The following ANOS1 variants were observed in gnomAD, a reference collection of about 807,000 sequenced individuals.
The protein encoded by ANOS1 is anosmin 1.
Under a neutral mutation model 59.0 loss-of-function variants are expected in ANOS1, and 6 were observed. That is an observed-to-expected ratio of 0.10 (90% CI 0.06 to 0.20). ANOS1 has a LOEUF of 0.20. ANOS1 is among the 10% of genes least tolerant of loss of function. ANOS1 has a pLI of 1.00. For synonymous variants in ANOS1, 217 were observed against 223.4 expected (o/e 0.97, Z 0.25); for missense variants, 433 against 542.3 (o/e 0.80, Z 2.00).
chrX:8,657,636 T>A, intron 2 of ANOS1, among the ~76,000 whole-genome samples: 1 of 108,996 alleles, frequency 9.2e-6, no homozygotes, highest in South Asian at 4.1e-4. Context: ...GCCAAACAGA[T>A]TTTTGTATTT....
At position 8,570,722 on chromosome X, in the gene ANOS1, A is replaced by G. The variant is rs751564786; in HGVS notation, c.857-18T>C. 8.4e-7 allele frequency: 1 copy of G among 1,189,380 alleles called. No individual in the cohort carries two copies. The highest frequency in any genetic ancestry group is 2.2e-5 in the Admixed American group (1 of 45,876). ...AGATGGATCTGAAATCCCAGTACAA[A>G]GACACATCATATGACTCCACAAAAC... On this transcript the variant is annotated intron_variant, in intron 6 of 13. Coordinates refer to ENST00000262648, the MANE Select transcript of ANOS1 (RefSeq NM_000216.4).
intron 9 of ANOS1, among the ~76,000 whole-genome samples, chrX:8,543,271 C>T (rs1320749390): frequency 9.0e-6 from 1 of 110,862 alleles, no homozygotes; most frequent in African/African-American, 3.3e-5. Context: ...CATGATATTA[C>T]ATAAGGTAAT....
At chrX:8,706,298 G>C (rs1398688204) in intron 1 of ANOS1, among the ~76,000 whole-genome samples, 1 of 112,119 alleles carries the variant, frequency 8.9e-6, no homozygotes, top group Non-Finnish European at 1.9e-5. Context: ...TACCAAACTA[G>C]TGTCTAACAA....
chrX:8,578,809 T>C (rs1930374345), intron 6 of ANOS1, among the ~76,000 whole-genome samples: 1 of 112,430 alleles, frequency 8.9e-6, no homozygotes, highest in Non-Finnish European at 1.9e-5. Flanking sequence ...TTGACTAATT[T>C]CAAATGAACA....
intron 2 of ANOS1, among the ~76,000 whole-genome samples, chrX:8,654,768 C>T (rs1931904183): frequency 8.9e-6 from 1 of 112,081 alleles, no homozygotes; most frequent in South Asian, 3.7e-4. Context: ...CAAAGTTTGG[C>T]AAGCTAAGCC....
Position 8,533,261 on chromosome X carries a change from T to C in ANOS1, c.1985-208A>G, listed in dbSNP as rs752893567. Among the ~76,000 whole-genome samples the C allele has an allele frequency of 3.5e-4, 39 of 111,710 alleles. No individual in the cohort carries two copies. The Admixed American group carries it at 3.6e-3, about 10-fold the overall frequency. On this transcript the variant is annotated intron_variant, in intron 13 of 13. Transcript: ENST00000262648. ...TCCTCTTTGATGTCTTCCCAAACTA[T>C]AAAATAACAAGAAAAAGAAGACAAG...
chrX:8,548,672 A>G (rs1187590592), intron 9 of ANOS1, among the ~76,000 whole-genome samples: 1 of 112,448 alleles, frequency 8.9e-6, no homozygotes, highest in Non-Finnish European at 1.9e-5. Flanking sequence ...TGGAGGCTAC[A>G]CTGTCAACTG....
chrX:8,679,632 G>A (rs1473144388), intron 2 of ANOS1, among the ~76,000 whole-genome samples: 1 of 110,991 alleles, frequency 9.0e-6, no homozygotes, highest in Non-Finnish European at 1.9e-5. Context: ...GGTTGCCGGG[G>A]GCTGAGGGAG....
Position 8,716,056 on chromosome X carries a change from G to A in ANOS1, c.207+15774C>T, listed in dbSNP as rs987690541. On this transcript the variant is annotated intron_variant, in intron 1 of 13. Transcript: ENST00000262648. ...GCACCACCGTCAAAATGGAGGCAAA[G>A]GGCAGTCGACGGTCTGAGAGAGAGG... Among the ~76,000 whole-genome samples, 7 of 111,456 alleles carry A rather than the reference G, an allele frequency of 6.3e-5. No individual in the cohort carries two copies. The East Asian group carries it at 2.0e-3, about 31-fold the overall frequency.
At chrX:8,593,225 T>C (rs144178347) in intron 4 of ANOS1, among the ~76,000 whole-genome samples, 277 of 111,904 alleles carry the variant, frequency 2.5e-3, no homozygotes, top group African/African-American at 8.5e-3. Context: ...AATAAACTAC[T>C]GGACCATGTG....
chrX:8,712,362 T>C lies in ANOS1; in HGVS notation c.208-12617A>G, dbSNP rs114332450. Among the ~76,000 whole-genome samples the C allele has an allele frequency of 7.1e-3, 792 of 112,102 alleles. 6 individuals carry two copies. Among genetic ancestry groups the C allele is most frequent in the African/African-American group, 0.025 (760 of 30,827 alleles). ...CAATTAATCACATCTCTAACGACGT[T>C]ATTTCCAAATAAGGCCACTTTGTCA... On this transcript the variant is annotated intron_variant, in intron 1 of 13. Coordinates refer to ENST00000262648, the MANE Select transcript of ANOS1 (RefSeq NM_000216.4).
chrX:8,711,269 C>A (rs1431769353), intron 1 of ANOS1, among the ~76,000 whole-genome samples: 1 of 112,523 alleles, frequency 8.9e-6, no homozygotes, highest in Non-Finnish European at 1.9e-5. Flanking sequence ...AATTCTACAT[C>A]CTGAGAATGG....
intron 2 of ANOS1, among the ~76,000 whole-genome samples, chrX:8,656,987 T>C (rs780278006): frequency 1.4e-4 from 16 of 111,975 alleles, no homozygotes; most frequent in African/African-American, 5.2e-4. Context: ...ACCATGCCTG[T>C]TAGTTTTTGC....
At chrX:8,616,412 C>T (rs1364898313) in intron 3 of ANOS1, among the ~76,000 whole-genome samples, 1 of 111,606 alleles carries the variant, frequency 9.0e-6, no homozygotes, top group Non-Finnish European at 1.9e-5. Context: ...GACCTGTTTT[C>T]TTTCTGTCAC....
At chrX:8,610,878 C>T (rs1019988287) in intron 3 of ANOS1, among the ~76,000 whole-genome samples, 5 of 111,389 alleles carry the variant, frequency 4.5e-5, no homozygotes, top group African/African-American at 1.3e-4. Flanking sequence ...CTAACACTTT[C>T]TGGAAAGATA....
intron 2 of ANOS1, among the ~76,000 whole-genome samples, chrX:8,659,580 GCTTGCCTTCCTT>G (rs1385460548): frequency 2.8e-5 from 2 of 72,346 alleles, no homozygotes; most frequent in Non-Finnish European, 5.0e-5. Flanking sequence ...CTGCTTGCTT[GCTTGCCTTCCTT>G]CCTTCCTTCC....
chrX:8,543,585 C>T (rs1275052306), intron 9 of ANOS1, among the ~76,000 whole-genome samples: 1 of 110,378 alleles, frequency 9.1e-6, no homozygotes, highest in Non-Finnish European at 1.9e-5. Context: ...TAGTTCAGGC[C>T]GGGCGTGGTG....
At chrX:8,603,775 A>G (rs111712622) in intron 3 of ANOS1, among the ~76,000 whole-genome samples, 1,578 of 112,244 alleles carry the variant, frequency 0.014, 29 homozygotes, top group African/African-American at 0.048. Context: ...ATTCTCTAGG[A>G]TTATAATTGC....
At chrX:8,577,991 T>A (rs1311043905) in intron 6 of ANOS1, among the ~76,000 whole-genome samples, 1 of 111,875 alleles carries the variant, frequency 8.9e-6, no homozygotes, top group African/African-American at 3.2e-5. Flanking sequence ...AGAGCAACGA[T>A]TATAGATCAT....
Sources: allele counts gnomAD v4.1 joint callset (sites outside exome capture counted in the v4.1 genomes callset), GRCh38; gene constraint gnomAD v4.1.1; transcripts MANE v1.5; gene names NCBI Gene and HGNC (gene_info 2026-07-23, HGNC 2026-07-21).